AURKA: variants seen among roughly 807,000 people sequenced by gnomAD.
The protein encoded by AURKA is aurora kinase A.
AURKA carries 12 observed loss-of-function variants against 40.9 expected under a neutral mutation model. That is an observed-to-expected ratio of 0.29 (90% CI 0.19 to 0.48). AURKA has a LOEUF of 0.48. Among genes scored for constraint, AURKA ranks in the 20% least tolerant of loss-of-function variants. The probability of loss-of-function intolerance (pLI) is 0.99; values close to 1 mark genes in which losing one functional copy is unlikely to be tolerated. For synonymous variants in AURKA, 170 were observed against 164.3 expected (o/e 1.03, Z -0.26); for missense variants, 322 against 462.1 (o/e 0.70, Z 2.78).
At chr20:56,389,811 G>T (rs1986834689) in intron 1 of AURKA, among the ~76,000 whole-genome samples, 1 of 152,084 alleles carries the variant, frequency 6.6e-6, no homozygotes. Flanking sequence ...CCCTTTACGA[G>T]GTTCTCTCTC....
At chr20:56,377,752 A>G (rs774629099) in intron 6 of AURKA, among the ~76,000 whole-genome samples, 8 of 151,564 alleles carry the variant, frequency 5.3e-5, no homozygotes, top group Admixed American at 5.3e-4. Context: ...GCACCACTAC[A>G]CTCTAGCCTG....
Position 56,379,688 on chromosome 20 carries a change from G to C in AURKA, c.705+1745C>G, listed in dbSNP as rs149877473. ...AAAGTAAGGAAGTACAAGGCCAGGC[G>C]TGGTGGCTCACACCTGTAATCCTAG... On this transcript the variant is annotated intron_variant, in intron 6 of 8. Transcript: ENST00000395915. Among the ~76,000 whole-genome samples, 1,493 of 152,272 alleles carry C rather than the reference G, an allele frequency of 9.8e-3. 15 individuals carry two copies. Among genetic ancestry groups the C allele is most frequent in the African/African-American group, 0.034 (1,400 of 41,546 alleles).
At chr20:56,381,312 T>C (rs761255446) in intron 6 of AURKA, 121 bp downstream of exon 6, 1 of 1,246,748 alleles carries the variant, frequency 8.0e-7, no homozygotes, top group Non-Finnish European at 1.2e-6. Context: ...ACTTCAAATA[T>C]TTGATATTAA....
intron 1 of AURKA, 155 bp from the exon 2 acceptor site, chr20:56,388,357 A>T (rs569936322): frequency 1.4e-6 from 1 of 719,016 alleles, no homozygotes; most frequent in Admixed American, 2.4e-5. Context: ...AGGGAGGGAC[A>T]GGCATGTGCT....
intron 4 of AURKA, 114 bp downstream of exon 4, chr20:56,384,156 T>C (rs1986076019): frequency 1.3e-6 from 1 of 771,502 alleles, no homozygotes; most frequent in African/African-American, 1.7e-5. Flanking sequence ...ATTTATATCC[T>C]CTAAATGCAA....
chr20:56,370,123 G>A lies in AURKA; in HGVS notation c.*35C>T. 6.2e-7 allele frequency: 1 copy of A among 1,610,430 alleles called. No homozygotes were observed. The highest frequency in any genetic ancestry group is 8.5e-7 in the Non-Finnish European group (1 of 1,178,402). ...CATGTTCCTGTCAGGTTATATGGCA[G>A]CCCTGGCTCAAGGATTTCTCCCCCT... On this transcript the variant is annotated 3_prime_UTR_variant, in exon 9 of 9. Transcript: ENST00000395915.
Position 56,369,429 on chromosome 20 carries a change from C to G in AURKA, c.*729G>C, listed in dbSNP as rs1983793471. The G allele has an allele frequency of 8.6e-6, 2 of 233,288 alleles. No individual in the cohort carries two copies. The highest frequency in any genetic ancestry group is 1.2e-4 in the East Asian group (2 of 16,346). 14.5% of individuals were successfully genotyped at this position (233,288 alleles called of 1,614,324 possible). On this transcript the variant is annotated 3_prime_UTR_variant, in exon 9 of 9. Transcript: ENST00000395915. ...TTTATTTGCATATTTAAAGTTTACA[C>G]ACATGCTATGACTCCAATGTTTTAA...
Position 56,379,910 on chromosome 20 carries a change from C to A in AURKA, c.705+1523G>T, listed in dbSNP as rs534851764. Among the ~76,000 whole-genome samples, 148 of 150,954 alleles carry A rather than the reference C, an allele frequency of 9.8e-4. 1 individual carries two copies. The highest frequency in any genetic ancestry group is 1.4e-3 in the Non-Finnish European group (94 of 67,844). On this transcript the variant is annotated intron_variant, in intron 6 of 8. Coordinates refer to ENST00000395915, the MANE Select transcript of AURKA (RefSeq NM_198437.3). ...CCCAGGAGGTGAAGGCTGCAGTGAGCCAAGATTATGCCACTGCACTCCAGC... is the reference window on the plus strand; with the variant it reads ...CCCAGGAGGTGAAGGCTGCAGTGAGACAAGATTATGCCACTGCACTCCAGC...
rs192910476 is a variant in AURKA, at chr20:56,373,927, A to G, written c.706-371T>C. Among the ~76,000 whole-genome samples the G allele has an allele frequency of 1.2e-3, 179 of 152,270 alleles. No individual in the cohort carries two copies. Among genetic ancestry groups the G allele is most frequent in the African/African-American group, 4.2e-3 (173 of 41,550 alleles). On this transcript the variant is annotated intron_variant, in intron 6 of 8. Transcript: ENST00000395915. This position sits in a 1 kb window ranked among gnomAD's most constrained non-coding sequence, Gnocchi z 5.0. ...ATCACACTTCAGCCTGGGTGACAGA[A>G]GGAGACCCTGTCTCAAAAAGGAAAA... is the stretch of plus-strand genomic sequence containing the variant.
chr20:56,386,250 A>G lies in AURKA; in HGVS notation c.319+7T>C. 1.9e-6 allele frequency: 3 copies of G among 1,614,244 alleles called. No homozygotes were observed. The highest frequency in any genetic ancestry group is 2.5e-6 in the Non-Finnish European group (3 of 1,180,044). ...GACTATCCAATGAGTCTCAAAAGCT[A>G]GTTTACCAGGTGCCGATGGCAGGGG... On this transcript the variant is annotated splice_region_variant and intron_variant, in intron 3 of 8. Transcript: ENST00000395915.
rs372383100 is a variant in AURKA at position 56,370,352 on chromosome 20, C to G, written c.1030-12G>C. On this transcript the variant is annotated splice_polypyrimidine_tract_variant and intron_variant, in intron 8 of 8. Transcript: ENST00000395915. ...AATGTGAATTCAACCTGGAGTACAA[C>G]AAATGATAAAATATCACAAAACACA... 1 of 1,614,122 alleles carries G rather than the reference C, an allele frequency of 6.2e-7. No homozygotes were observed. Among genetic ancestry groups the G allele is most frequent in the Admixed American group, 1.7e-5 (1 of 60,018 alleles).
At chr20:56,377,581 G>A (rs1317996427) in intron 6 of AURKA, among the ~76,000 whole-genome samples, 1 of 152,106 alleles carries the variant, frequency 6.6e-6, no homozygotes, top group African/African-American at 2.4e-5. Context: ...AAGGTCAAGA[G>A]ATCAAGACCA....
Position 56,370,320 on chromosome 20 carries a change from G to A in AURKA, c.1050C>T (p.Asp350=), listed in dbSNP as rs1983966784. ...GGTCCCTGGCTCCCTCTGTTACAAA[G>A]TCAGGGAATGTGAATTCAACCTGGA... ...RISRVEFTFP[D]FVTEGARDLI... is the part of the protein sequence containing the mutation. Residue 350 remains aspartate (D), a synonymous_variant, in exon 9 of 9, where the codon GAC becomes GAT. Transcript: ENST00000395915. 6.2e-7 allele frequency: 1 copy of A among 1,614,200 alleles called. No homozygotes were observed. The highest frequency in any genetic ancestry group is 2.2e-5 in the East Asian group (1 of 44,880).
chr20:56,383,611 C>G (rs2146193161), intron 4 of AURKA, among the ~76,000 whole-genome samples: 1 of 152,336 alleles, frequency 6.6e-6, no homozygotes, highest in South Asian at 2.1e-4. Flanking sequence ...GGGTGGAGAA[C>G]CACTCTGGTG....
chr20:56,381,737 C>T (rs1985737323), intron 5 of AURKA, among the ~76,000 whole-genome samples, 166 bp from the exon 6 acceptor site: 3 of 152,206 alleles, frequency 2.0e-5, no homozygotes, highest in African/African-American at 7.2e-5. Flanking sequence ...AAGAAAAATA[C>T]ATACACCCAC....
In AURKA at chr20:56,369,679, T is replaced by C. The variant is rs1983838219; in HGVS notation, c.*479A>G. The stretch of plus-strand genomic sequence containing the variant: ...AAAAATACAAGTCTGTACATATATC[T>C]TTATTTTCATACTTAAAAAGAATCA... On this transcript the variant is annotated 3_prime_UTR_variant, in exon 9 of 9. Transcript: ENST00000395915. 5.9e-6 allele frequency: 2 copies of C among 338,200 alleles called. No homozygotes were observed. Among genetic ancestry groups the C allele is most frequent in the Non-Finnish European group, 1.1e-5 (2 of 180,346 alleles). 20.9% of individuals were successfully genotyped at this position (338,200 alleles called of 1,614,324 possible).
chr20:56,373,827 G>A lies in AURKA; in HGVS notation c.706-271C>T, dbSNP rs368999077. The stretch of plus-strand genomic sequence containing the variant: ...TAGCTGAGCGTGATGGTGCATGCCT[G>A]TAGTCCCAGCTACTTGGGAGGCTGA... On this transcript the variant is annotated intron_variant, in intron 6 of 8. Transcript: ENST00000395915. The surrounding 1 kb of genome is among the most constrained non-coding windows in gnomAD (Gnocchi z 5.0). Among the ~76,000 whole-genome samples, 27 of 152,300 alleles carry A rather than the reference G, an allele frequency of 1.8e-4. No homozygotes were observed. The South Asian group carries it at 3.7e-3, about 21-fold the overall frequency.
At chr20:56,379,637 G>A (rs1001384737) in intron 6 of AURKA, among the ~76,000 whole-genome samples, 4 of 152,102 alleles carry the variant, frequency 2.6e-5, no homozygotes, top group African/African-American at 9.7e-5. Flanking sequence ...AAATATACAC[G>A]ATGAGGCCTG....
chr20:56,391,368 C>T (rs1364467730), intron 1 of AURKA, among the ~76,000 whole-genome samples: 1 of 152,242 alleles, frequency 6.6e-6, no homozygotes, highest in Non-Finnish European at 1.5e-5. Flanking sequence ...GAAATGGAGA[C>T]TCTGAGGCCT....
Sources: allele counts gnomAD v4.1 joint callset (sites outside exome capture counted in the v4.1 genomes callset), GRCh38; gene constraint gnomAD v4.1.1; non-coding constraint Gnocchi (gnomAD v3.1); transcripts MANE v1.5; gene names NCBI Gene and HGNC (gene_info 2026-07-23, HGNC 2026-07-21).